CDK14: variants seen among roughly 807,000 people sequenced by gnomAD.
CDK14 encodes cyclin-dependent kinase 14.
CDK14 carries 34 observed loss-of-function variants against 60.7 expected under a neutral mutation model. That is an observed-to-expected ratio of 0.56 (90% CI 0.43 to 0.75). The LOEUF (loss-of-function observed/expected upper bound fraction) is 0.75. Ranked by LOEUF, CDK14 falls within the 30% of genes least tolerant of loss-of-function variation. The probability of loss-of-function intolerance (pLI) is 0.00; values close to 1 mark genes in which losing one functional copy is unlikely to be tolerated. For missense variants in CDK14, 482 were observed against 564.1 expected, an observed-to-expected ratio of 0.85 and a Z score of 1.47; for synonymous variants, 197 against 203.7, an observed-to-expected ratio of 0.97 and a Z score of 0.28.
intron 4 of CDK14, among the ~76,000 whole-genome samples, chr7:90,750,093 T>C (rs1346087813): frequency 6.8e-6 from 1 of 147,930 alleles, no homozygotes; most frequent in African/African-American, 2.5e-5. Context: ...CAAAAGATCC[T>C]ACCCAGCATT....
chr7:91,046,022 T>A, intron 11 of CDK14, 62 bp downstream of exon 11: 1 of 1,120,070 alleles, frequency 8.9e-7, no homozygotes, highest in Non-Finnish European at 1.4e-6. Context: ...AGTATATAAA[T>A]GTTCCCTCTC....
intron 14 of CDK14, among the ~76,000 whole-genome samples, chr7:91,194,806 G>A (rs1480653333): frequency 3.3e-5 from 5 of 152,148 alleles, no homozygotes; most frequent in Admixed American, 2.6e-4. Flanking sequence ...GCACTGTGTG[G>A]GAGATTCTGG....
chr7:90,611,998 A>G (rs1799547921), intron 2 of CDK14, among the ~76,000 whole-genome samples: 2 of 151,934 alleles, frequency 1.3e-5, no homozygotes, highest in East Asian at 1.9e-4. Context: ...ACACCCAGCT[A>G]ATTTTTGTAT....
chr7:90,738,890 A>C (rs1173840098), intron 3 of CDK14, among the ~76,000 whole-genome samples: 2 of 49,778 alleles, frequency 4.0e-5, no homozygotes, highest in Admixed American at 2.7e-4. Context: ...TCTCCTTCTG[A>C]ATTATTCTTT....
At chr7:90,939,101 C>T (rs368516075) in intron 8 of CDK14, among the ~76,000 whole-genome samples, 17 of 152,048 alleles carry the variant, frequency 1.1e-4, no homozygotes, top group African/African-American at 3.6e-4. Context: ...GAGTGGATAG[C>T]GAAATAGCAC....
At chr7:91,142,319 G>C (rs1478758839) in intron 14 of CDK14, among the ~76,000 whole-genome samples, 1 of 152,188 alleles carries the variant, frequency 6.6e-6, no homozygotes, top group Non-Finnish European at 1.5e-5. Flanking sequence ...CAAAGGCTGT[G>C]ACCTGAAGTT....
intron 10 of CDK14, among the ~76,000 whole-genome samples, chr7:91,011,714 C>T (rs1045968326): frequency 2.0e-5 from 3 of 152,234 alleles, no homozygotes; most frequent in South Asian, 2.1e-4. Flanking sequence ...TGTTCTTCTT[C>T]AATATCTAAT....
chr7:91,172,989 C>T (rs1801575409), intron 14 of CDK14, among the ~76,000 whole-genome samples: 1 of 152,046 alleles, frequency 6.6e-6, no homozygotes, highest in Non-Finnish European at 1.5e-5. Flanking sequence ...CTTAATTTTC[C>T]CATGTTGTTC....
At chr7:90,899,462 G>A (rs1338679657) in intron 7 of CDK14, 109 bp downstream of exon 7, 1 of 703,586 alleles carries the variant, frequency 1.4e-6, no homozygotes, top group Non-Finnish European at 2.2e-6. Context: ...AATTTTTTGT[G>A]TAAAGAGAAG....
chr7:91,061,135 C>T (rs150627813), intron 11 of CDK14, among the ~76,000 whole-genome samples: 2 of 152,150 alleles, frequency 1.3e-5, no homozygotes, highest in African/African-American at 4.8e-5. Flanking sequence ...CTCTTCTTGC[C>T]TCATTTCATT....
At chr7:90,812,957 A>G (rs143730786) in intron 5 of CDK14, among the ~76,000 whole-genome samples, 1 of 152,354 alleles carries the variant, frequency 6.6e-6, no homozygotes, top group East Asian at 1.9e-4. Context: ...CCACATGAAG[A>G]CATTTACCTA....
intron 2 of CDK14, among the ~76,000 whole-genome samples, chr7:90,656,102 C>T (rs576932661): frequency 1.3e-5 from 2 of 152,276 alleles, no homozygotes; most frequent in African/African-American, 4.8e-5. Context: ...TGTATTCCAG[C>T]TGGAATAAGG....
intron 10 of CDK14, among the ~76,000 whole-genome samples, chr7:91,013,673 T>C (rs1796225106): frequency 6.6e-6 from 1 of 150,740 alleles, no homozygotes; most frequent in African/African-American, 2.4e-5. Flanking sequence ...TTTTTTTTTT[T>C]TTCTTTTTTT....
Position 90,974,873 on chromosome 7 carries a change from C to T in CDK14, c.948-9275C>T, listed in dbSNP as rs76998571. 0.015 allele frequency among the ~76,000 whole-genome samples: 2,240 copies of T among 152,180 alleles called. 122 individuals are homozygous for T. In the East Asian group the frequency reaches 0.17, roughly 12 times the overall value. ...CAGGACTTTAATGAACAGATACATACATTACAAGGCATATTAGCTGGTGCC... is the reference window on the plus strand; with the variant it reads ...CAGGACTTTAATGAACAGATACATATATTACAAGGCATATTAGCTGGTGCC... On this transcript the variant is annotated intron_variant, in intron 9 of 14. Transcript: ENST00000380050.
chr7:90,831,961 C>T (rs1428934312), intron 5 of CDK14, among the ~76,000 whole-genome samples: 1 of 151,980 alleles, frequency 6.6e-6, no homozygotes, highest in African/African-American at 2.4e-5. Flanking sequence ...CATCTAGTAA[C>T]TCTCTGCCCT....
chr7:90,809,328 C>G (rs748503190), intron 5 of CDK14, among the ~76,000 whole-genome samples: 1 of 152,066 alleles, frequency 6.6e-6, no homozygotes, highest in Non-Finnish European at 1.5e-5. Context: ...CACTCAAAAC[C>G]GCTCAACTAC....
chr7:90,990,434 G>GATTATAAT (rs1475148968), intron 10 of CDK14, among the ~76,000 whole-genome samples: 3 of 152,088 alleles, frequency 2.0e-5, no homozygotes, highest in Non-Finnish European at 1.5e-5. Context: ...AGGGACAATA[G>GATTATAAT]ATTATAATAC....
At chr7:90,985,109 G>A (rs768791667) in intron 10 of CDK14, among the ~76,000 whole-genome samples, 10 of 152,220 alleles carry the variant, frequency 6.6e-5, no homozygotes, top group Non-Finnish European at 1.2e-4. Context: ...AACTGGGCGA[G>A]TGGTATACAT....
Position 90,825,030 on chromosome 7 carries a change from C to T in CDK14, c.544+34378C>T, listed in dbSNP as rs573823130. On this transcript the variant is annotated intron_variant, in intron 5 of 14. Coordinates refer to ENST00000380050, the MANE Select transcript of CDK14 (RefSeq NM_001287135.2). ...TCCTCAGGAAATCATGAAAGGTTAC[C>T]TTTGGTTGTACAGCCTACACTGTTG... Among the ~76,000 whole-genome samples, 3 of 152,254 alleles carry T rather than the reference C, an allele frequency of 2.0e-5. No individual in the cohort carries two copies. The South Asian group carries it at 6.2e-4, about 32-fold the overall frequency.
Sources: gnomAD v4.1 joint callset for allele counts (sites outside exome capture counted in the v4.1 genomes callset) on GRCh38, gnomAD v4.1.1 for gene constraint, MANE v1.5 for transcripts, NCBI Gene and HGNC (gene_info 2026-07-23, HGNC 2026-07-21) for gene names.